Variants in HCN1 observed in about 807,000 individuals in gnomAD.
HCN1 encodes the protein hyperpolarization activated cyclic nucleotide gated potassium channel 1.
In HCN1, 13 loss-of-function variants were observed where a neutral mutation model predicts 78.9. The ratio of observed to expected loss-of-function variants is 0.16; its 90% CI spans 0.11 to 0.26. The LOEUF (loss-of-function observed/expected upper bound fraction) is 0.26, where lower values mean the gene tolerates loss of function less well. HCN1 is among the 10% of genes least tolerant of loss of function. The pLI, the probability that HCN1 is intolerant of heterozygous loss-of-function variation, is 1.00. For missense variants in HCN1, 810 were observed against 1,154.3 expected (o/e 0.70, Z 4.32); for synonymous variants, 552 against 455.5 (o/e 1.21, Z -2.70).
intron 6 of HCN1, among the ~76,000 whole-genome samples, chr5:45,276,908 C>T (rs968609639): frequency 6.6e-6 from 1 of 151,852 alleles, no homozygotes; most frequent in Non-Finnish European, 1.5e-5. Context: ...GGAGAGGAGA[C>T]ATTAGAATGA....
chr5:45,373,163 G>A (rs36212592), intron 4 of HCN1, among the ~76,000 whole-genome samples: 28,366 of 118,914 alleles, frequency 0.24, 4,346 homozygotes, highest in African/African-American at 0.47. Context: ...AAAAATATAT[G>A]TACTTTATAA....
At chr5:45,349,716 C>G (rs543537850) in intron 5 of HCN1, among the ~76,000 whole-genome samples, 1 of 152,174 alleles carries the variant, frequency 6.6e-6, no homozygotes, top group South Asian at 2.1e-4. Flanking sequence ...CACAGAAATA[C>G]AAACTGCCCA....
At chr5:45,388,258 C>A (rs1561136673) in intron 4 of HCN1, among the ~76,000 whole-genome samples, 1 of 152,080 alleles carries the variant, frequency 6.6e-6, no homozygotes, top group African/African-American at 2.4e-5. Context: ...CTGCTTGTTC[C>A]CTATGGATAG....
At position 45,261,918 on chromosome 5, in the gene HCN1, G is replaced by A; in HGVS notation, c.*3C>T. The A allele has an allele frequency of 6.2e-7, 1 of 1,614,072 alleles. No homozygotes were observed. The highest frequency in any genetic ancestry group is 8.5e-7 in the Non-Finnish European group (1 of 1,180,016). On this transcript the variant is annotated 3_prime_UTR_variant, in exon 8 of 8. Transcript: ENST00000303230. Reference sequence around the variant, plus strand: ...TTCTTTCTGCTTTGACAATCAGCAGGGATCATAAATTTGAAGCAAATCGTG... The same window carrying A: ...TTCTTTCTGCTTTGACAATCAGCAGAGATCATAAATTTGAAGCAAATCGTG...
chr5:45,289,693 A>ATG (rs770247253), intron 6 of HCN1, among the ~76,000 whole-genome samples: 9 of 152,068 alleles, frequency 5.9e-5, no homozygotes, highest in Non-Finnish European at 1.2e-4. Flanking sequence ...AGAAAAAGAA[A>ATG]TGATGTCAAA....
At chr5:45,444,932 G>T (rs1314554634) in intron 3 of HCN1, among the ~76,000 whole-genome samples, 6 of 152,158 alleles carry the variant, frequency 3.9e-5, no homozygotes, top group African/African-American at 1.4e-4. Context: ...AACAGCTCCA[G>T]TCTACAAGCT....
In HCN1 at chr5:45,261,844, G is replaced by A. The variant is rs1744740348; in HGVS notation, c.*77C>T. The A allele has an allele frequency of 6.6e-7, 1 of 1,513,854 alleles. No homozygotes were observed. The highest frequency in any genetic ancestry group is 1.4e-5 in the African/African-American group (1 of 73,232). 93.8% of individuals were successfully genotyped at this position (1,513,854 alleles called of 1,614,324 possible). A position where few individuals can be genotyped will look rare whatever the true frequency, so the allele number is the denominator to read the frequency against. On this transcript the variant is annotated 3_prime_UTR_variant, in exon 8 of 8. Coordinates refer to ENST00000303230, the MANE Select transcript of HCN1 (RefSeq NM_021072.4). ...ATAGTAGGCTAGAGGGATCTATCAG[G>A]AGATAGAATAAAATAAGATCTGAGT...
intron 3 of HCN1, among the ~76,000 whole-genome samples, chr5:45,419,522 C>T (rs978473235): frequency 1.1e-4 from 16 of 152,112 alleles, no homozygotes; most frequent in Admixed American, 6.5e-4. Flanking sequence ...AAGAATGAGC[C>T]ATTGTACTGG....
chr5:45,466,216 G>A (rs1407756554), intron 2 of HCN1, among the ~76,000 whole-genome samples: 1 of 152,052 alleles, frequency 6.6e-6, no homozygotes, highest in Non-Finnish European at 1.5e-5. Flanking sequence ...CTTTCCTGAT[G>A]AACTGGATTC....
chr5:45,695,545 G>A, intron 1 of HCN1, 124 bp downstream of exon 1: 2 of 954,678 alleles, frequency 2.1e-6, no homozygotes, highest in South Asian at 1.5e-5. Flanking sequence ...CCGAGCCGAC[G>A]CCGCCGGCAG....
intron 2 of HCN1, among the ~76,000 whole-genome samples, chr5:45,635,746 G>A (rs1042853325): frequency 1.3e-5 from 2 of 152,006 alleles, no homozygotes; most frequent in Non-Finnish European, 2.9e-5. Context: ...GTCAAAGCAG[G>A]TCTTTCTCAG....
chr5:45,534,220 A>T (rs1455887147), intron 2 of HCN1, among the ~76,000 whole-genome samples: 2 of 151,350 alleles, frequency 1.3e-5, no homozygotes, highest in Admixed American at 6.6e-5. Context: ...ACACAGTGAA[A>T]CACCCGTCTC....
chr5:45,437,480 T>G (rs1327284905), intron 3 of HCN1, among the ~76,000 whole-genome samples: 3 of 152,248 alleles, frequency 2.0e-5, no homozygotes, highest in Admixed American at 6.5e-5. Context: ...TTGAATAAAG[T>G]GATTTTATTA....
At chr5:45,293,364 A>G (rs1195947371) in intron 6 of HCN1, among the ~76,000 whole-genome samples, 2 of 151,994 alleles carry the variant, frequency 1.3e-5, no homozygotes, top group African/African-American at 4.8e-5. Context: ...TTAGCCAGGC[A>G]TGGTGGTATA....
chr5:45,393,504 A>C (rs1739625611), intron 4 of HCN1, among the ~76,000 whole-genome samples: 1 of 152,176 alleles, frequency 6.6e-6, no homozygotes, highest in Non-Finnish European at 1.5e-5. Flanking sequence ...TAAAAATAAA[A>C]GAATGGTCAT....
chr5:45,679,390 CACTG>C (rs1277099288), intron 1 of HCN1, among the ~76,000 whole-genome samples: 5 of 152,056 alleles, frequency 3.3e-5, no homozygotes, highest in Non-Finnish European at 7.4e-5. Context: ...TAGAATATCT[CACTG>C]ACTGTGTTGC....
chr5:45,449,106 A>T (rs1280175985), intron 3 of HCN1, among the ~76,000 whole-genome samples: 1 of 152,126 alleles, frequency 6.6e-6, no homozygotes, highest in Non-Finnish European at 1.5e-5. Context: ...ACCTGTCTGA[A>T]ATAAAATCGT....
intron 3 of HCN1, among the ~76,000 whole-genome samples, chr5:45,455,760 CA>C (rs571706502): frequency 0.11 from 6,725 of 59,890 alleles, 100 homozygotes; most frequent in African/African-American, 0.16. Context: ...TTCTGGAACT[CA>C]AAAAAAAAAA....
chr5:45,358,653 A>T (rs1416503378), intron 4 of HCN1, among the ~76,000 whole-genome samples: 1 of 152,088 alleles, frequency 6.6e-6, no homozygotes, highest in Non-Finnish European at 1.5e-5. Context: ...GAAACTAAAA[A>T]TATTTCACCC....
Sources: allele counts gnomAD v4.1 joint callset (sites outside exome capture counted in the v4.1 genomes callset), GRCh38; gene constraint gnomAD v4.1.1; transcripts MANE v1.5; gene names NCBI Gene and HGNC (gene_info 2026-07-23, HGNC 2026-07-21).